Variants in RUFY4 observed in about 807,000 individuals in gnomAD.
The protein encoded by RUFY4 is RUN and FYVE domain containing 4, also known as RUN and FYVE domain-containing protein 4.
Under a neutral mutation model 69.0 loss-of-function variants are expected in RUFY4, and 73 were observed. The observed-to-expected ratio is 1.06, with a 90% CI of 0.88 to 1.29. The LOEUF (loss-of-function observed/expected upper bound fraction) is 1.29. RUFY4 is among the 50% of genes most tolerant of loss of function. The pLI is 0.00. For synonymous variants in RUFY4, 287 were observed against 271.8 expected (o/e 1.06, Z -0.55); for missense variants, 770 against 705.6 (o/e 1.09, Z -1.03).
chr2:218,078,861 T>A (rs2106062808), intron 8 of RUFY4, among the ~76,000 whole-genome samples: 1 of 152,172 alleles, frequency 6.6e-6, no homozygotes, highest in Non-Finnish European at 1.5e-5. Context: ...GTTGGTTTTT[T>A]TGTTTTGTTT....
chr2:218,082,954 G>GT (rs1559437823), intron 8 of RUFY4, among the ~76,000 whole-genome samples, 156 bp from the exon 11 acceptor site: 1 of 206 alleles, frequency 4.9e-3, no homozygotes, highest in Non-Finnish European at 7.9e-3. Flanking sequence ...GCATGTGTGT[G>GT]CTGTGTGTGT....
chr2:218,046,938 C>T (rs1463693242), intron 2 of RUFY4, among the ~76,000 whole-genome samples: 1 of 148,790 alleles, frequency 6.7e-6, no homozygotes, highest in Non-Finnish European at 1.5e-5. Flanking sequence ...TCAAAAATGT[C>T]AAAAGGTTTA....
upstream of RUFY4, chr2:218,068,599 T>G (rs1190961307): frequency 6.5e-6 from 1 of 152,868 alleles, no homozygotes; most frequent in Non-Finnish European, 1.5e-5. Flanking sequence ...TACTAGCCCC[T>G]GCAGCAGCCC....
intron 2 of RUFY4, among the ~76,000 whole-genome samples, chr2:218,049,232 A>G (rs2106030332): frequency 6.6e-6 from 1 of 152,296 alleles, no homozygotes; most frequent in South Asian, 2.1e-4. Flanking sequence ...TGTTCCTCAA[A>G]TGACCTTCTT....
Position 218,073,349 on chromosome 2 carries a change from C to T in RUFY4, c.493C>T (p.Gln165Ter), listed in dbSNP as rs200798920. 223 of 1,590,270 alleles carry T rather than the reference C, an allele frequency of 1.4e-4. 1 individual carries two copies. The highest frequency in any genetic ancestry group is 9.1e-5 in the Non-Finnish European group (106 of 1,168,076). Residue 165 changes from glutamine (Q) to a stop codon, truncating the protein, a stop_gained, in exon 5 of 11, where the codon CAG (glutamine) becomes TAG (stop). Transcript: ENST00000344321. LOFTEE classifies it high-confidence loss of function. ...GGTGGCCTTCGAGTTGGACCTCCAG[C>T]AGCCAGACCTGGATGGAGCCTGGCC... is the stretch of plus-strand genomic sequence containing the variant.
At chr2:218,075,642 G>A in exon 7 of RUFY4, 1 of 1,516,832 alleles carries the variant, frequency 6.6e-7, no homozygotes, top group East Asian at 2.3e-5. Context: ...CGCAACAAAG[G>A]AAGACTCTAC....
rs1166900915 is a variant in RUFY4, at chr2:218,060,589, C to T, written c.-1071+1908C>T. 2.2e-6 allele frequency: 3 copies of T among 1,337,450 alleles called. No homozygotes were observed. In the African/African-American group the frequency reaches 4.3e-5, roughly 19 times the overall value. 82.8% of individuals were successfully genotyped at this position (1,337,450 alleles called of 1,614,324 possible). ...ACAGGTCTCATTGGTCATCTGGGTT[C>T]CCATGAGGGTGTCTGCCAGCAGGAC... On this transcript the variant is annotated intron_variant and NMD_transcript_variant, in intron 3 of 13. Transcript: ENST00000457754.
intron 8 of RUFY4, among the ~76,000 whole-genome samples, chr2:218,082,518 G>A (rs1172987656): frequency 6.6e-6 from 1 of 152,212 alleles, no homozygotes; most frequent in East Asian, 1.9e-4. Flanking sequence ...TCAAGGCAGG[G>A]CCCTGTTTTC....
chr2:218,037,251 C>T (rs756745582), intron 2 of RUFY4, among the ~76,000 whole-genome samples: 18 of 151,340 alleles, frequency 1.2e-4, no homozygotes, highest in Non-Finnish European at 1.8e-4. Context: ...ACCCAGGAGG[C>T]GGAGGTTGCA....
intron 2 of RUFY4, among the ~76,000 whole-genome samples, chr2:218,045,202 G>A (rs1244150331): frequency 6.6e-6 from 1 of 152,118 alleles, no homozygotes; most frequent in Non-Finnish European, 1.5e-5. Context: ...AATGATCATT[G>A]ATGTTGAGCT....
At chr2:218,075,792 C>T (rs2106057249) in intron 7 of RUFY4, 52 bp downstream of exon 9, 1 of 1,362,194 alleles carries the variant, frequency 7.3e-7, no homozygotes, top group East Asian at 2.7e-5. Flanking sequence ...CTGACCTGGC[C>T]CACAGATGAG....
intron 8 of RUFY4, among the ~76,000 whole-genome samples, chr2:218,082,565 G>A (rs1488123256): frequency 6.6e-6 from 1 of 152,182 alleles, no homozygotes; most frequent in East Asian, 1.9e-4. Context: ...CAGTTCGTAG[G>A]TGTCAGGCCA....
intron 2 of RUFY4, among the ~76,000 whole-genome samples, chr2:218,038,238 A>G (rs535755945): frequency 3.3e-5 from 5 of 149,348 alleles, no homozygotes; most frequent in African/African-American, 1.3e-4. Flanking sequence ...TGCTTGAATA[A>G]AAAAAAAAGT....
At chr2:218,056,032 T>A (rs1222385185) in intron 2 of RUFY4, among the ~76,000 whole-genome samples, 1 of 152,192 alleles carries the variant, frequency 6.6e-6, no homozygotes, top group Non-Finnish European at 1.5e-5. Context: ...TTCGGCAATA[T>A]CCCAGCACGA....
rs537030752 is a variant in RUFY4, at chr2:218,081,747, G to A, written c.1356-1363G>A. Among the ~76,000 whole-genome samples the A allele has an allele frequency of 1.2e-4, 18 of 152,316 alleles. No individual in the cohort carries two copies. The East Asian group carries it at 3.5e-3, about 29-fold the overall frequency. On this transcript the variant is annotated intron_variant, in intron 8 of 10. Coordinates refer to ENST00000344321, the Ensembl canonical transcript of RUFY4. ...AATGTTCATTAAAATTAAAAACATG[G>A]CCCTGCTTCGTGCCTGAGCACCAGA...
chr2:218,063,192 T>C (rs750657623), intron 3 of RUFY4, among the ~76,000 whole-genome samples: 5 of 152,142 alleles, frequency 3.3e-5, no homozygotes, highest in Non-Finnish European at 5.9e-5. Context: ...AACCACAAAA[T>C]AGATCACCCT....
rs114918221 is a variant in RUFY4, at chr2:218,076,735, G to A, written c.1355+202G>A. Among the ~76,000 whole-genome samples the A allele has an allele frequency of 9.1e-3, 1,379 of 152,162 alleles. 22 individuals carry two copies. The highest frequency in any genetic ancestry group is 0.031 in the African/African-American group (1,305 of 41,498). ...TCCCTCCTCTGTGCATCCCTTTCTC[G>A]TAGGTCTCCCAGAGCAGGAGCAGCC... is the stretch of plus-strand genomic sequence containing the variant. On this transcript the variant is annotated intron_variant, in intron 8 of 10. Coordinates refer to ENST00000344321, the Ensembl canonical transcript of RUFY4.
upstream of RUFY4, among the ~76,000 whole-genome samples, chr2:218,067,816 C>T (rs1689379717): frequency 6.6e-6 from 1 of 152,240 alleles, no homozygotes; most frequent in Non-Finnish European, 1.5e-5. Context: ...ACTGACTGTC[C>T]CTGCTCCTGC....
intron 7 of RUFY4, 101 bp from the exon 10 acceptor site, chr2:218,076,326 C>G: frequency 6.8e-7 from 1 of 1,464,016 alleles, no homozygotes; most frequent in South Asian, 1.4e-5. Flanking sequence ...CCTGCCAGGG[C>G]ATGGCCTGGG....
Sources: gnomAD v4.1 joint callset for allele counts (sites outside exome capture counted in the v4.1 genomes callset) on GRCh38, gnomAD v4.1.1 for gene constraint, MANE v1.5 for transcripts, NCBI Gene and HGNC (gene_info 2026-07-23, HGNC 2026-07-21) for gene names.